COL18A1: variants seen among roughly 807,000 people sequenced by gnomAD.
COL18A1 encodes the protein collagen alpha-1(XVIII) chain.
A neutral mutation model predicts 168.0 loss-of-function variants in COL18A1; 133 were observed. That is an observed-to-expected ratio of 0.79 (90% CI 0.69 to 0.91). The LOEUF is 0.91. Among genes scored for constraint, COL18A1 ranks in the 40% least tolerant of loss-of-function variants. COL18A1 has a pLI of 0.00. For missense variants in COL18A1, 2,126 were observed against 1,925.4 expected (o/e 1.10, Z -1.95); for synonymous variants, 949 against 809.0 (o/e 1.17, Z -2.94).
rs190659656 is a variant in COL18A1 at position 45,431,094 on chromosome 21, C to A, written c.106+25621C>A. On this transcript the variant is annotated intron_variant, in intron 2 of 41. Transcript: ENST00000651438. ...TTTGCTGGTTTGAGGCTGGGGGTGA[C>A]GCTCCTGTGCGGGAGGAGGTCGCAT... Among the ~76,000 whole-genome samples the A allele has an allele frequency of 3.3e-5, 5 of 152,220 alleles. No individual in the cohort carries two copies. The East Asian group carries it at 7.7e-4, about 24-fold the overall frequency.
intron 18 of COL18A1, among the ~76,000 whole-genome samples, chr21:45,488,764 G>A (rs1357561671): frequency 1.3e-5 from 2 of 152,232 alleles, no homozygotes; most frequent in East Asian, 1.9e-4. Flanking sequence ...GAAGAACTCA[G>A]GGTCCCCACC....
intron 3 of COL18A1, among the ~76,000 whole-genome samples, chr21:45,469,505 G>A (rs971432273): frequency 1.3e-5 from 2 of 152,214 alleles, no homozygotes; most frequent in Non-Finnish European, 2.9e-5. Flanking sequence ...GTGAACGCAC[G>A]TGGCCGCCTC....
At chr21:45,470,425 C>CTTTTTTTTTTTTTTTTTTTTTTTTT (rs1195744330) in intron 3 of COL18A1, among the ~76,000 whole-genome samples, 2 of 37,114 alleles carry the variant, frequency 5.4e-5, no homozygotes, top group Non-Finnish European at 1.0e-4. Flanking sequence ...TTTACCTTGT[C>CTTTTTTTTTTTTTTTTTTTTTTTTT]TTTTTTTTTT....
At chr21:45,467,532 G>T in intron 2 of COL18A1, 1 of 770,432 alleles carries the variant, frequency 1.3e-6, no homozygotes, top group African/African-American at 1.9e-5. Context: ...ACCTGGCCCA[G>T]CAGGTGAGCC....
intron 28 of COL18A1, 65 bp downstream of exon 28, chr21:45,494,980 C>A: frequency 1.4e-6 from 2 of 1,410,858 alleles, no homozygotes; most frequent in Admixed American, 1.9e-5. Context: ...GCAGCCCAGG[C>A]CCACGGGGGT....
At chr21:45,487,990 C>A (rs1049650456) in intron 17 of COL18A1, among the ~76,000 whole-genome samples, 1 of 152,214 alleles carries the variant, frequency 6.6e-6, no homozygotes, top group Non-Finnish European at 1.5e-5. Flanking sequence ...ACAGCTCAGA[C>A]GTGCCAGGGG....
At chr21:45,467,160 C>G (rs545708792) in intron 2 of COL18A1, 58 of 881,450 alleles carry the variant, frequency 6.6e-5, no homozygotes, top group Non-Finnish European at 4.1e-6. Context: ...GGAAGTCACT[C>G]TGAGCAGGGT....
At position 45,495,382 on chromosome 21, in the gene COL18A1, A is replaced by C. The variant is rs2036495440; in HGVS notation, c.2458A>C (p.Lys820Gln). 6.2e-7 allele frequency: 1 copy of C among 1,611,540 alleles called. No homozygotes were observed. Among genetic ancestry groups the C allele is most frequent in the Non-Finnish European group, 8.5e-7 (1 of 1,178,996 alleles). The change falls in exon 29 of 42, where the codon AAA becomes CAA. Residue 820 changes from lysine (K) to glutamine (Q), a missense_variant. By Grantham distance (53) the Lys-to-Gln change is moderately conservative. Coordinates refer to ENST00000651438, the MANE Select transcript of COL18A1 (RefSeq NM_001379500.1). ...RPGRPGMNGL[K>Q]GEKGEPGDAS... The stretch of plus-strand genomic sequence containing the variant: ...GGGTCGCCCCGGGATGAACGGATTG[A>C]AAGGAGAGAAAGGGGAGCCGGGAGA...
rs1233554342 is a variant in COL18A1 at position 45,443,374 on chromosome 21, C to A, written c.107-24868C>A. Among the ~76,000 whole-genome samples the A allele has an allele frequency of 6.6e-6, 1 of 152,160 alleles. No homozygotes were observed. The highest frequency in any genetic ancestry group is 2.4e-5 in the African/African-American group (1 of 41,428). ...CCCAGTTAAGGAGCAACCTGGTAAA[C>A]CCTTGAAAACCAAGTGGGCCTTCAC... On this transcript the variant is annotated intron_variant, in intron 2 of 41. Transcript: ENST00000651438. The surrounding 1 kb of genome is among the most constrained non-coding windows in gnomAD (Gnocchi z 5.2).
In COL18A1 at chr21:45,512,349, C is replaced by T. The variant is rs371861582; in HGVS notation, c.3971C>T (p.Ala1324Val). 7 of 1,612,668 alleles carry T rather than the reference C, an allele frequency of 4.3e-6. No individual in the cohort carries two copies. The highest frequency in any genetic ancestry group is 5.9e-6 in the Non-Finnish European group (7 of 1,179,846). Residue 1324 changes from alanine to valine, a missense_variant, in exon 42 of 42, where the codon GCC (alanine) becomes GTC (valine). Transcript: ENST00000651438. ...LGQSAASCHH[A>V]YIVLCIENSF... ...CAGAGTGCCGCGAGCTGCCATCACG[C>T]CTACATCGTGCTCTGCATTGAGAAC...
Position 45,509,493 on chromosome 21 carries a change from C to A in COL18A1, c.3387C>A (p.Pro1129=), listed in dbSNP as rs377093259. The A allele has an allele frequency of 1.3e-6, 2 of 1,529,078 alleles. No individual in the cohort carries two copies. Among genetic ancestry groups the A allele is most frequent in the Non-Finnish European group, 1.8e-6 (2 of 1,135,754 alleles). The allele number at this position is 1,529,078 out of a possible 1,614,324, so 94.7% of individuals were successfully genotyped here. A position where few individuals can be genotyped will look rare whatever the true frequency, so the allele number is the denominator to read the frequency against. Residue 1129 remains proline, a synonymous_variant, in exon 39 of 42, where the codon CCC becomes CCA. Coordinates refer to ENST00000651438, the MANE Select transcript of COL18A1 (RefSeq NM_001379500.1). ...DDILASPPRL[P]EPQPYPGAPH... is the part of the protein sequence containing the mutation. ...TCCTGGCCAGCCCCCCTCGCCTGCC[C>A]GAGCCCCAGCCCTACCCCGGAGCCC...
At position 45,423,854 on chromosome 21, in the gene COL18A1, G is replaced by A. The variant is rs906862833; in HGVS notation, c.106+18381G>A. ...CAGTTTAAGACCCTCTTGGAGCAGG[G>A]TTCTGCAGTGTCCTGGGGGCAGAGG... On this transcript the variant is annotated intron_variant, in intron 2 of 41. Coordinates refer to ENST00000651438, the MANE Select transcript of COL18A1 (RefSeq NM_001379500.1). This position sits in a 1 kb window ranked among gnomAD's most constrained non-coding sequence, Gnocchi z 4.0. 1 of 152,410 alleles carries A rather than the reference G, an allele frequency of 6.6e-6. No homozygotes were observed. The highest frequency in any genetic ancestry group is 2.1e-4 in the South Asian group (1 of 4,826). The allele number at this position is 152,410 out of a possible 1,614,324, so 9.4% of individuals were successfully genotyped here.
At chr21:45,506,762 C>CTT (rs2037229255) in intron 37 of COL18A1, 10 of 28,414 alleles carry the variant, frequency 3.5e-4, no homozygotes, top group African/African-American at 1.8e-3. Flanking sequence ...TCCCACCTTC[C>CTT]CTCTGGAACC....
At chr21:45,478,455 G>C in intron 9 of COL18A1, 102 bp downstream of exon 9, 1 of 1,496,330 alleles carries the variant, frequency 6.7e-7, no homozygotes, top group South Asian at 1.1e-5. Flanking sequence ...GACCCAGTGA[G>C]GAGACTGTAC....
chr21:45,456,727 C>T lies in COL18A1; in HGVS notation c.107-11515C>T, dbSNP rs764628289. On this transcript the variant is annotated intron_variant, in intron 2 of 41. Coordinates refer to ENST00000651438, the MANE Select transcript of COL18A1 (RefSeq NM_001379500.1). Reference sequence around the variant, plus strand: ...TGCTGCTGGTCCCCCCATGCGGCAGCGTCCCGCCGCCCGCCCCGCCACCCT... The same window carrying T: ...TGCTGCTGGTCCCCCCATGCGGCAGTGTCCCGCCGCCCGCCCCGCCACCCT... 4.9e-5 allele frequency: 75 copies of T among 1,533,206 alleles called. No homozygotes were observed. The African/African-American group carries it at 7.0e-4, about 14-fold the overall frequency. The allele number at this position is 1,533,206 out of a possible 1,614,324, so 95.0% of individuals were successfully genotyped here. A position where few individuals can be genotyped will look rare whatever the true frequency, so the allele number is the denominator to read the frequency against.
At position 45,510,207 on chromosome 21, in the gene COL18A1, G is replaced by A. The variant is rs1245522092; in HGVS notation, c.3639G>A (p.Leu1213=). 1 of 1,604,306 alleles carries A rather than the reference G, an allele frequency of 6.2e-7. No individual in the cohort carries two copies. Among genetic ancestry groups the A allele is most frequent in the East Asian group, 2.3e-5 (1 of 44,202 alleles). Reference sequence around the variant, plus strand: ...TCCTGTCCTCGCGCCTGCAGGACCTGTACAGCATCGTGCGCCGTGCCGACC... The same window carrying A: ...TCCTGTCCTCGCGCCTGCAGGACCTATACAGCATCGTGCGCCGTGCCGACC... ...RAFLSSRLQD[L]YSIVRRADRA... Residue 1213 remains leucine (L), a synonymous_variant, in exon 40 of 42, where the codon CTG becomes CTA. Transcript: ENST00000651438.
intron 2 of COL18A1, among the ~76,000 whole-genome samples, chr21:45,413,100 G>T (rs1254800574): frequency 3.3e-5 from 5 of 152,204 alleles, no homozygotes; most frequent in Non-Finnish European, 2.9e-5. Context: ...TCTGAGGCCA[G>T]CCGGTCCTGA....
intron 2 of COL18A1, among the ~76,000 whole-genome samples, chr21:45,436,033 C>A (rs1478948883): frequency 6.6e-6 from 1 of 152,202 alleles, no homozygotes. Context: ...AAGGGGGACA[C>A]TGGGGCCTCA....
chr21:45,508,616 C>G (rs1246440647), intron 38 of COL18A1, among the ~76,000 whole-genome samples: 1 of 151,982 alleles, frequency 6.6e-6, no homozygotes, highest in East Asian at 1.9e-4. Context: ...GTCATGATTC[C>G]TTAATTGGCT....
Sources: gnomAD v4.1 joint callset for allele counts (sites outside exome capture counted in the v4.1 genomes callset) on GRCh38, gnomAD v4.1.1 for gene constraint, Gnocchi (gnomAD v3.1) non-coding constraint, MANE v1.5 for transcripts, NCBI Gene and HGNC (gene_info 2026-07-23, HGNC 2026-07-21) for gene names.